SFRP1: variants seen among roughly 807,000 people sequenced by gnomAD.
SFRP1 encodes the protein secreted frizzled-related protein 1.
Under a neutral mutation model 25.9 loss-of-function variants are expected in SFRP1, and 9 were observed. That is an observed-to-expected ratio of 0.35 (90% CI 0.21 to 0.61). SFRP1 has a LOEUF of 0.61. SFRP1 is among the 20% of genes least tolerant of loss of function. The pLI, the probability that SFRP1 is intolerant of heterozygous loss-of-function variation, is 0.78. For synonymous variants in SFRP1, 178 were observed against 174.0 expected, an observed-to-expected ratio of 1.02 and a Z score of -0.18; for missense variants, 346 against 418.2, an observed-to-expected ratio of 0.83 and a Z score of 1.51.
At chr8:41,282,784 T>C (rs1246037355) in intron 2 of SFRP1, among the ~76,000 whole-genome samples, 1 of 152,184 alleles carries the variant, frequency 6.6e-6, no homozygotes, top group Non-Finnish European at 1.5e-5. Context: ...TATATACATG[T>C]TTAGGTTTTA....
intron 2 of SFRP1, among the ~76,000 whole-genome samples, chr8:41,287,137 C>G (rs1170486305): frequency 6.6e-6 from 1 of 152,206 alleles, no homozygotes; most frequent in African/African-American, 2.4e-5. Context: ...AGGAGTCTTC[C>G]CTTTGCTGGA....
chr8:41,308,887 C>T lies in SFRP1; in HGVS notation c.273G>A (p.Lys91=). 6.2e-7 allele frequency: 1 copy of T among 1,611,724 alleles called. No homozygotes were observed. The highest frequency in any genetic ancestry group is 8.5e-7 in the Non-Finnish European group (1 of 1,179,792). Residue 91 remains lysine, a synonymous_variant, in exon 1 of 3, where the codon AAG becomes AAA. Transcript: ENST00000220772. ...GGGGCACCCAGCTGCTGGCCTGCTG[C>T]TTCACCTCCGCCATGGTCTCGTGCT... is the stretch of plus-strand genomic sequence containing the variant. ...LLEHETMAEV[K]QQASSWVPLL...
chr8:41,274,971 G>A (rs1466008104), intron 2 of SFRP1: 1 of 301,572 alleles, frequency 3.3e-6, no homozygotes, highest in African/African-American at 2.3e-5. Flanking sequence ...TTTTGATTAA[G>A]AATTCTGCTT....
chr8:41,308,399 C>T (rs1008129670), intron 1 of SFRP1, among the ~76,000 whole-genome samples: 2 of 152,246 alleles, frequency 1.3e-5, no homozygotes, highest in African/African-American at 4.8e-5. Context: ...CCGGGCCAGC[C>T]CCGCCGTGCA....
At chr8:41,286,427 T>C (rs550155427) in intron 2 of SFRP1, among the ~76,000 whole-genome samples, 6 of 151,998 alleles carry the variant, frequency 3.9e-5, no homozygotes, top group African/African-American at 1.2e-4. Context: ...TTTTTCAAAG[T>C]CACCAGGAAA....
chr8:41,270,327 G>C (rs1167714835), intron 2 of SFRP1, among the ~76,000 whole-genome samples: 3 of 152,202 alleles, frequency 2.0e-5, no homozygotes, highest in Non-Finnish European at 4.4e-5. Flanking sequence ...ATGCAAGAAA[G>C]TGGTAAAGGA....
intron 2 of SFRP1, among the ~76,000 whole-genome samples, chr8:41,270,279 A>T (rs1228025139): frequency 6.6e-6 from 1 of 152,250 alleles, no homozygotes; most frequent in African/African-American, 2.4e-5. Context: ...TCTTGAAGTC[A>T]GTTTAAAATT....
intron 2 of SFRP1, among the ~76,000 whole-genome samples, chr8:41,283,474 G>T (rs1284169252): frequency 1.3e-5 from 2 of 151,840 alleles, no homozygotes; most frequent in Non-Finnish European, 2.9e-5. Context: ...ACAATCCAAT[G>T]AAGTGATCAG....
At chr8:41,286,068 G>A (rs980289914) in intron 2 of SFRP1, among the ~76,000 whole-genome samples, 5 of 152,022 alleles carry the variant, frequency 3.3e-5, no homozygotes, top group Non-Finnish European at 5.9e-5. Flanking sequence ...GTTGCCAGCC[G>A]GCCCAGACCC....
chr8:41,272,113 A>C (rs1163334457), intron 2 of SFRP1, among the ~76,000 whole-genome samples: 1 of 152,252 alleles, frequency 6.6e-6, no homozygotes, highest in African/African-American at 2.4e-5. Flanking sequence ...AATGCAAGAC[A>C]AGTAAAAAGA....
chr8:41,294,764 T>C (rs1345858951), intron 2 of SFRP1, among the ~76,000 whole-genome samples: 1 of 151,712 alleles, frequency 6.6e-6, no homozygotes, highest in Non-Finnish European at 1.5e-5. Context: ...CATTCAAGAC[T>C]CAAATATGTA....
intron 1 of SFRP1, among the ~76,000 whole-genome samples, chr8:41,308,008 A>G (rs1209063138): frequency 2.6e-5 from 4 of 152,200 alleles, no homozygotes; most frequent in Non-Finnish European, 2.9e-5. Flanking sequence ...GGAGAAACAG[A>G]AGTCCCCACG....
chr8:41,293,187 C>T (rs962657095), intron 2 of SFRP1, among the ~76,000 whole-genome samples: 13 of 152,224 alleles, frequency 8.5e-5, no homozygotes, highest in Admixed American at 6.5e-4. Flanking sequence ...GCCACAACCA[C>T]ATGAGGGACC....
chr8:41,287,420 G>A (rs992151647), intron 2 of SFRP1, among the ~76,000 whole-genome samples: 24 of 152,254 alleles, frequency 1.6e-4, no homozygotes, highest in Non-Finnish European at 2.9e-4. Flanking sequence ...TCGGCTCGGA[G>A]GAACGTCATG....
At chr8:41,269,003 G>C (rs1403458900) in intron 2 of SFRP1, among the ~76,000 whole-genome samples, 1 of 152,236 alleles carries the variant, frequency 6.6e-6, no homozygotes, top group Non-Finnish European at 1.5e-5. Flanking sequence ...TCAGTACTCT[G>C]TCTGTAAAGT....
chr8:41,287,410 T>G (rs1231294254), intron 2 of SFRP1, among the ~76,000 whole-genome samples: 1 of 152,214 alleles, frequency 6.6e-6, no homozygotes. Context: ...AATGCTGGCA[T>G]CGGCTCGGAG....
At chr8:41,270,304 A>G (rs1803488417) in intron 2 of SFRP1, among the ~76,000 whole-genome samples, 1 of 152,216 alleles carries the variant, frequency 6.6e-6, no homozygotes, top group South Asian at 2.1e-4. Context: ...TCAAAAAAAC[A>G]AGTTATAAAC....
At chr8:41,285,859 T>G (rs926279179) in intron 2 of SFRP1, among the ~76,000 whole-genome samples, 1 of 151,806 alleles carries the variant, frequency 6.6e-6, no homozygotes, top group Non-Finnish European at 1.5e-5. Flanking sequence ...GGGTCGGGGG[T>G]GCCAATGATC....
chr8:41,265,162 GA>G lies in SFRP1; in HGVS notation c.*4del. 3.5e-6 allele frequency: 4 copies of G among 1,127,538 alleles called. No individual in the cohort carries two copies. Among genetic ancestry groups the G allele is most frequent in the Admixed American group, 2.2e-5 (1 of 46,244 alleles). 69.8% of individuals were successfully genotyped at this position (1,127,538 alleles called of 1,614,324 possible). ...GGCTCCCTCCCCACCCTGCCCCCGG[GA>G]GAATCACTTAAACACGGACTGAAAG... On this transcript the variant is annotated 3_prime_UTR_variant, in exon 3 of 3. Coordinates refer to ENST00000220772, the MANE Select transcript of SFRP1 (RefSeq NM_003012.5).
Sources: allele counts gnomAD v4.1 joint callset (sites outside exome capture counted in the v4.1 genomes callset), GRCh38; gene constraint gnomAD v4.1.1; transcripts MANE v1.5; gene names NCBI Gene and HGNC (gene_info 2026-07-23, HGNC 2026-07-21).